Variants in STK32B observed in about 807,000 individuals in gnomAD.
The protein encoded by STK32B is serine/threonine kinase 32B.
Under a neutral mutation model 52.6 loss-of-function variants are expected in STK32B, and 43 were observed. The ratio of observed to expected loss-of-function variants is 0.82; its 90% CI spans 0.64 to 1.05. The LOEUF (loss-of-function observed/expected upper bound fraction) is 1.05. Ranked by LOEUF, STK32B falls within the 50% of genes least tolerant of loss-of-function variation. The pLI is 0.00. For missense variants in STK32B, 621 were observed against 534.6 expected, an observed-to-expected ratio of 1.16 and a Z score of -1.59; for synonymous variants, 238 against 204.3, an observed-to-expected ratio of 1.17 and a Z score of -1.41.
chr4:5,142,025 G>GAAGCATCTTCCATCTTC (rs1216767310), intron 2 of STK32B, among the ~76,000 whole-genome samples: 40 of 152,294 alleles, frequency 2.6e-4, no homozygotes, highest in African/African-American at 9.6e-4. Context: ...CCTACTGAGG[G>GAAGCATCTTCCATCTTC]AAGCATCTTC....
rs1718971075 is a variant in STK32B, at chr4:5,167,485, T to A, written c.109-814T>A. On this transcript the variant is annotated intron_variant, in intron 2 of 11. Transcript: ENST00000282908. ...CTCCCCCAGAACCCATGTGCCTGAG[T>A]TTGGGTTTCCCCAGAATCAGGCTCC... 5.3e-5 allele frequency among the ~76,000 whole-genome samples: 8 copies of A among 152,064 alleles called. No homozygotes were observed. In the South Asian group the frequency reaches 1.7e-3, roughly 32 times the overall value.
chr4:5,019,476 C>CCTTTAT, the STK32B span: 1 of 1,437,996 alleles, frequency 7.0e-7, no homozygotes, highest in Non-Finnish European at 9.0e-7. Context: ...CCTCGCCGAC[C>CCTTTAT]GCCCCTTTAT....
chr4:5,123,464 T>C (rs1715180985), intron 1 of STK32B, among the ~76,000 whole-genome samples: 1 of 152,138 alleles, frequency 6.6e-6, no homozygotes, highest in Non-Finnish European at 1.5e-5. Flanking sequence ...TATTTGCTTG[T>C]TGGGGCTGCT....
At position 5,487,724 on chromosome 4, in the gene STK32B, C is replaced by G. The variant is rs6853071; in HGVS notation, c.1107-11221C>G. Among the ~76,000 whole-genome samples the G allele has an allele frequency of 3.3e-3, 506 of 152,272 alleles. 3 individuals are homozygous for G. The highest frequency in any genetic ancestry group is 0.012 in the African/African-American group (483 of 41,564). Reference sequence around the variant, plus strand: ...TCCTGCCAAATGAAAAAGGTAGCATCGAGGAGGGGAGGAGTCTTATTCTGA... The same window carrying G: ...TCCTGCCAAATGAAAAAGGTAGCATGGAGGAGGGGAGGAGTCTTATTCTGA... On this transcript the variant is annotated intron_variant, in intron 11 of 11. Coordinates refer to ENST00000282908, the MANE Select transcript of STK32B (RefSeq NM_018401.3).
In STK32B at chr4:5,460,035, C is replaced by G. The variant is rs980506489; in HGVS notation, c.784-68C>G. The G allele has an allele frequency of 6.2e-7, 1 of 1,612,282 alleles. No individual in the cohort carries two copies. Among genetic ancestry groups the G allele is most frequent in the South Asian group, 1.1e-5 (1 of 90,936 alleles). On this transcript the variant is annotated intron_variant, in intron 8 of 11. Transcript: ENST00000282908. This position sits in a 1 kb window ranked among gnomAD's most constrained non-coding sequence, Gnocchi z 4.8. ...CACATTAATTGCCCTGAGACCCCCT[C>G]CTTCAGAGTCCCCGCTAACCTTGAG... is the stretch of plus-strand genomic sequence containing the variant.
At chr4:5,372,241 C>T (rs928572661) in intron 4 of STK32B, among the ~76,000 whole-genome samples, 1 of 152,202 alleles carries the variant, frequency 6.6e-6, no homozygotes. Flanking sequence ...AACAGAGAGT[C>T]AGGTGCAGAT....
intron 4 of STK32B, among the ~76,000 whole-genome samples, chr4:5,387,542 A>C (rs1461845954): frequency 6.6e-6 from 1 of 151,816 alleles, no homozygotes; most frequent in Non-Finnish European, 1.5e-5. Context: ...GGTGCAGAGG[A>C]GTTGACCAGG....
chr4:5,456,787 C>A lies in STK32B; in HGVS notation c.667-20C>A. ...CCAATGGCTCTCTCTCTGATTCTGGCTGTTGTTCTTTGATTGCAGAGGCCG... is the reference window on the plus strand; with the variant it reads ...CCAATGGCTCTCTCTCTGATTCTGGATGTTGTTCTTTGATTGCAGAGGCCG... On this transcript the variant is annotated intron_variant, in intron 7 of 11. Transcript: ENST00000282908. 1 of 1,549,250 alleles carries A rather than the reference C, an allele frequency of 6.5e-7. No individual in the cohort carries two copies. The highest frequency in any genetic ancestry group is 8.8e-7 in the Non-Finnish European group (1 of 1,139,478).
intron 5 of STK32B, among the ~76,000 whole-genome samples, chr4:5,411,388 C>T (rs1391574484): frequency 6.6e-6 from 1 of 152,152 alleles, no homozygotes; most frequent in Non-Finnish European, 1.5e-5. Context: ...TTCAGTTCAA[C>T]CAGCCGTGGA....
At chr4:5,383,785 T>C (rs1736076821) in intron 4 of STK32B, among the ~76,000 whole-genome samples, 1 of 152,220 alleles carries the variant, frequency 6.6e-6, no homozygotes, top group Non-Finnish European at 1.5e-5. Flanking sequence ...GATTCATCCA[T>C]TCAACTATCC....
At chr4:5,473,289 C>CGA (rs1462258498) in intron 11 of STK32B, among the ~76,000 whole-genome samples, 9 of 152,180 alleles carry the variant, frequency 5.9e-5, no homozygotes, top group Non-Finnish European at 1.3e-4. Flanking sequence ...CCTGGTGGCA[C>CGA]GAGCTTTCAG....
At chr4:5,261,149 C>G (rs1029074912) in intron 3 of STK32B, among the ~76,000 whole-genome samples, 1 of 152,088 alleles carries the variant, frequency 6.6e-6, no homozygotes, top group Admixed American at 6.5e-5. Flanking sequence ...ATAAGGGGGT[C>G]CGGGTAGCAC....
chr4:5,459,181 G>A (rs1015816575), intron 8 of STK32B, among the ~76,000 whole-genome samples: 1 of 152,162 alleles, frequency 6.6e-6, no homozygotes, highest in African/African-American at 2.4e-5. Context: ...GGCTGTGACT[G>A]CAGCCACTCA....
chr4:5,411,270 C>G (rs1174137915), intron 5 of STK32B, among the ~76,000 whole-genome samples: 1 of 152,000 alleles, frequency 6.6e-6, no homozygotes, highest in Non-Finnish European at 1.5e-5. Context: ...CTCCTGACCT[C>G]GTGATCTGCC....
At chr4:5,465,237 G>A (rs1366993494) in intron 9 of STK32B, among the ~76,000 whole-genome samples, 1 of 152,154 alleles carries the variant, frequency 6.6e-6, no homozygotes, top group Non-Finnish European at 1.5e-5. Context: ...GGCAGGGGCT[G>A]GGCTAGGAGC....
intron 1 of STK32B, among the ~76,000 whole-genome samples, chr4:5,079,764 C>A (rs1314108333): frequency 6.6e-6 from 1 of 152,162 alleles, no homozygotes; most frequent in Non-Finnish European, 1.5e-5. Context: ...GGCCACTGTA[C>A]TCTTTTGTCT....
At chr4:5,368,596 T>A (rs563051151) in intron 4 of STK32B, among the ~76,000 whole-genome samples, 1 of 152,294 alleles carries the variant, frequency 6.6e-6, no homozygotes, top group Admixed American at 6.5e-5. Flanking sequence ...GTGCCCAAGG[T>A]CATAGGGGAT....
intron 4 of STK32B, among the ~76,000 whole-genome samples, chr4:5,359,586 T>C (rs953815209): frequency 6.6e-6 from 1 of 152,208 alleles, no homozygotes; most frequent in Non-Finnish European, 1.5e-5. Flanking sequence ...TGATAAGTGC[T>C]GTGAAATACT....
In STK32B at chr4:5,399,928, G is replaced by A. The variant is rs78795367; in HGVS notation, c.472+1684G>A. ...AAGAGGTGAGAAAACACAGAGGCTG[G>A]TTCTGCTTAGCTGTCTGGAAAGCAG... On this transcript the variant is annotated intron_variant, in intron 5 of 11. Coordinates refer to ENST00000282908, the MANE Select transcript of STK32B (RefSeq NM_018401.3). The surrounding 1 kb of genome is among the most constrained non-coding windows in gnomAD (Gnocchi z 5.4). Among the ~76,000 whole-genome samples the A allele has an allele frequency of 0.023, 3,571 of 152,204 alleles. 136 individuals carry two copies. The highest frequency in any genetic ancestry group is 0.082 in the African/African-American group (3,404 of 41,478).
Sources: allele counts gnomAD v4.1 joint callset (sites outside exome capture counted in the v4.1 genomes callset), GRCh38; gene constraint gnomAD v4.1.1; non-coding constraint Gnocchi (gnomAD v3.1); transcripts MANE v1.5; gene names NCBI Gene and HGNC (gene_info 2026-07-23, HGNC 2026-07-21).